MICAL2: variants seen among roughly 807,000 people sequenced by gnomAD.
The protein encoded by MICAL2 is [F-actin]-monooxygenase MICAL2.
MICAL2 carries 77 observed loss-of-function variants against 127.3 expected under a neutral mutation model. The observed-to-expected ratio is 0.60, with a 90% CI of 0.50 to 0.73. MICAL2 has a LOEUF of 0.73. MICAL2 is among the 30% of genes least tolerant of loss of function. MICAL2 has a pLI of 0.00. For missense variants in MICAL2, 1,351 were observed against 1,434.4 expected, an observed-to-expected ratio of 0.94 and a Z score of 0.94; for synonymous variants, 570 against 551.1, an observed-to-expected ratio of 1.03 and a Z score of -0.48.
intron 2 of MICAL2, among the ~76,000 whole-genome samples, chr11:12,157,562 C>A (rs1456608142): frequency 6.6e-6 from 1 of 152,232 alleles, no homozygotes; most frequent in East Asian, 1.9e-4. Flanking sequence ...TGTTTCTTCC[C>A]AGAAAATGCA....
chr11:12,155,361 A>G (rs1246959025), intron 2 of MICAL2, among the ~76,000 whole-genome samples: 2 of 152,244 alleles, frequency 1.3e-5, no homozygotes, highest in Non-Finnish European at 2.9e-5. Flanking sequence ...CATGCTACAT[A>G]TACATGTGTA....
intron 8 of MICAL2, among the ~76,000 whole-genome samples, chr11:12,218,173 G>A (rs1280933803): frequency 6.6e-6 from 1 of 152,198 alleles, no homozygotes; most frequent in South Asian, 2.1e-4. Context: ...GAAGAGTAAA[G>A]TTTCTCTTCA....
chr11:12,191,111 G>A (rs531541399), intron 3 of MICAL2, among the ~76,000 whole-genome samples: 3 of 152,288 alleles, frequency 2.0e-5, no homozygotes, highest in Non-Finnish European at 2.9e-5. Context: ...CAGAGACAAG[G>A]CCTCTGCTTT....
intron 3 of MICAL2, among the ~76,000 whole-genome samples, chr11:12,170,880 C>T (rs1004313486): frequency 1.3e-5 from 2 of 152,196 alleles, no homozygotes; most frequent in South Asian, 2.1e-4. Context: ...TTCATCCCCG[C>T]GTCTCAAGTC....
intron 19 of MICAL2, 116 bp from the exon 20 acceptor site, chr11:12,242,555 T>C: frequency 1.4e-6 from 2 of 1,423,084 alleles, no homozygotes; most frequent in East Asian, 2.3e-5. Flanking sequence ...CATCCTGCTG[T>C]GTGTGGTGAG....
At chr11:12,149,760 A>T (rs1183949808) in intron 2 of MICAL2, among the ~76,000 whole-genome samples, 1 of 152,196 alleles carries the variant, frequency 6.6e-6, no homozygotes, top group Non-Finnish European at 1.5e-5. Flanking sequence ...TAAGATAGTG[A>T]GAGGAGAATG....
intron 1 of MICAL2, among the ~76,000 whole-genome samples, chr11:12,113,396 C>A (rs548421027): frequency 6.8e-4 from 104 of 152,134 alleles, no homozygotes; most frequent in African/African-American, 2.3e-3. Flanking sequence ...ACAACAACAA[C>A]AAAAAAGGTT....
chr11:12,167,390 T>C (rs1009768378), intron 3 of MICAL2, among the ~76,000 whole-genome samples: 5 of 152,152 alleles, frequency 3.3e-5, no homozygotes, highest in African/African-American at 1.2e-4. Flanking sequence ...CGGTTTGTGC[T>C]CGAGGGCCAG....
At position 12,353,628 on chromosome 11, in the gene MICAL2, G is replaced by A. The variant is rs943515475; in HGVS notation, c.5616-1156G>A. 2.6e-5 allele frequency among the ~76,000 whole-genome samples: 4 copies of A among 152,148 alleles called. No homozygotes were observed. The East Asian group carries it at 5.8e-4, about 22-fold the overall frequency. On this transcript the variant is annotated intron_variant, in intron 33 of 34. Coordinates refer to the MICAL2 transcript ENST00000646065. Reference sequence around the variant, plus strand: ...GCCTGTGGGGAGCTCACACACCCACGGTGATCTCAATGGGGCATCCCCTGG... The same window carrying A: ...GCCTGTGGGGAGCTCACACACCCACAGTGATCTCAATGGGGCATCCCCTGG...
intron 4 of MICAL2, 27 bp downstream of exon 4, chr11:12,204,484 A>G: frequency 1.2e-6 from 2 of 1,608,868 alleles, no homozygotes; most frequent in Non-Finnish European, 8.5e-7. Flanking sequence ...GTGATATCCC[A>G]TGAAGGGAGG....
At chr11:12,232,530 C>G (rs543793658) in intron 15 of MICAL2, among the ~76,000 whole-genome samples, 4 of 152,290 alleles carry the variant, frequency 2.6e-5, no homozygotes, top group African/African-American at 9.6e-5. Context: ...CAAGACCAGC[C>G]TGGCCAACAA....
chr11:12,250,923 G>A (rs537708447), intron 22 of MICAL2, among the ~76,000 whole-genome samples: 1 of 152,174 alleles, frequency 6.6e-6, no homozygotes, highest in Admixed American at 6.5e-5. Flanking sequence ...CTCTAACCCT[G>A]AGGTCCACAC....
chr11:12,216,349 C>A, intron 8 of MICAL2, 30 bp downstream of exon 8: 1 of 1,537,402 alleles, frequency 6.5e-7, no homozygotes, highest in Non-Finnish European at 9.0e-7. Context: ...GATTTCCCGA[C>A]TTCGCGACCT....
In MICAL2 at chr11:12,168,145, T is replaced by TATACACACACAC. The variant is rs1855741479; in HGVS notation, c.264+5727_264+5728insTACACACACACA. Among the ~76,000 whole-genome samples, 3 of 146,270 alleles carry TATACACACACAC rather than the reference T, an allele frequency of 2.1e-5. No homozygotes were observed. In the East Asian group the frequency reaches 6.1e-4, roughly 30 times the overall value. On this transcript the variant is annotated intron_variant, in intron 3 of 27. Transcript: ENST00000683283. ...AGTGAGACCTGGTCTCTACAGCAAA[T>TATACACACACAC]ACACACACACACACACACACACACT...
At chr11:12,279,324 T>G (rs1863749243) in intron 1 of MICAL2, among the ~76,000 whole-genome samples, 1 of 151,926 alleles carries the variant, frequency 6.6e-6, no homozygotes, top group Admixed American at 6.6e-5. Context: ...AACGAGTAGA[T>G]GTGGGGAGAA....
exon 3 of MICAL2, chr11:12,287,268 G>T (rs1025002727): frequency 5.0e-6 from 2 of 397,032 alleles, no homozygotes; most frequent in Non-Finnish European, 8.9e-6. Context: ...TATCTCTCTG[G>T]CATGGCCTCC....
At chr11:12,314,726 TCTGC>T (rs1421306877) in intron 29 of MICAL2, among the ~76,000 whole-genome samples, 1 of 151,352 alleles carries the variant, frequency 6.6e-6, no homozygotes, top group Non-Finnish European at 1.5e-5. Flanking sequence ...GACCTTGTGA[TCTGC>T]CTGCCTCGGC....
At chr11:12,261,859 C>T in intron 26 of MICAL2, 1 of 985,836 alleles carries the variant, frequency 1.0e-6, no homozygotes, top group South Asian at 4.7e-5. Context: ...TAATGTTCAG[C>T]ATGGTGGGAG....
intron 2 of MICAL2, among the ~76,000 whole-genome samples, chr11:12,153,955 C>T (rs1565051051): frequency 6.6e-6 from 1 of 152,202 alleles, no homozygotes; most frequent in Non-Finnish European, 1.5e-5. Context: ...ACTTTGTCAA[C>T]CAGGTACACA....
Sources: gnomAD v4.1 joint callset for allele counts (sites outside exome capture counted in the v4.1 genomes callset) on GRCh38, gnomAD v4.1.1 for gene constraint, MANE v1.5 for transcripts, NCBI Gene and HGNC (gene_info 2026-07-23, HGNC 2026-07-21) for gene names.